Variants in CDADC1 observed in about 807,000 individuals in gnomAD.
The protein encoded by CDADC1 is cytidine and dCMP deaminase domain containing 1.
A neutral mutation model predicts 54.9 loss-of-function variants in CDADC1; 39 were observed. The observed-to-expected ratio is 0.71, with a 90% CI of 0.55 to 0.93. The LOEUF (loss-of-function observed/expected upper bound fraction) is 0.93, where lower values mean the gene tolerates loss of function less well. Ranked by LOEUF, CDADC1 falls within the 40% of genes least tolerant of loss-of-function variation. CDADC1 has a pLI of 0.00. For missense variants in CDADC1, 518 were observed against 618.8 expected, an observed-to-expected ratio of 0.84 and a Z score of 1.73; for synonymous variants, 186 against 204.0, an observed-to-expected ratio of 0.91 and a Z score of 0.75.
At chr13:49,281,953 A>G (rs1405385647) in intron 8 of CDADC1, among the ~76,000 whole-genome samples, 3 of 104,622 alleles carry the variant, frequency 2.9e-5, no homozygotes, top group Non-Finnish European at 3.5e-5. Context: ...ATCTGGGATT[A>G]CAGGCGCACG....
chr13:49,255,689 T>G (rs577024900), intron 2 of CDADC1, 150 bp from the exon 3 acceptor site: 2 of 901,330 alleles, frequency 2.2e-6, no homozygotes, highest in African/African-American at 1.7e-5. Context: ...ATGAACTTGA[T>G]CCAAACAAAG....
At chr13:49,291,168 T>TA (rs1953693023) in intron 9 of CDADC1, among the ~76,000 whole-genome samples, 1 of 54,772 alleles carries the variant, frequency 1.8e-5, no homozygotes, top group Non-Finnish European at 4.3e-5. Flanking sequence ...ATTCAGTTTT[T>TA]GGTTTTTTTT....
At chr13:49,282,236 G>GTTTTTTTTTTTTTTTTTTTTTGGTT (rs759792512) in intron 8 of CDADC1, among the ~76,000 whole-genome samples, 1 of 94,146 alleles carries the variant, frequency 1.1e-5, no homozygotes, top group African/African-American at 4.1e-5. Flanking sequence ...GTTTTTGTGG[G>GTTTTTTTTTTTTTTTTTTTTTGGTT]TTTTTTTTTT....
intron 7 of CDADC1, among the ~76,000 whole-genome samples, chr13:49,280,087 C>T (rs1177738230): frequency 6.6e-6 from 1 of 152,152 alleles, no homozygotes; most frequent in African/African-American, 2.4e-5. Flanking sequence ...ATTTGTCTAA[C>T]AAGATGAGTT....
intron 2 of CDADC1, among the ~76,000 whole-genome samples, chr13:49,251,339 C>T (rs950062051): frequency 3.4e-5 from 5 of 145,828 alleles, no homozygotes; most frequent in African/African-American, 1.3e-4. Flanking sequence ...ACCCAGGAGG[C>T]AGAGATTGCA....
At chr13:49,275,939 T>C (rs1953121728) in intron 6 of CDADC1, among the ~76,000 whole-genome samples, 1 of 151,722 alleles carries the variant, frequency 6.6e-6, no homozygotes, top group Non-Finnish European at 1.5e-5. Context: ...CAGCTAATTT[T>C]TGTGTTTTTA....
At chr13:49,272,719 A>G (rs982560607) in intron 5 of CDADC1, among the ~76,000 whole-genome samples, 1 of 142,140 alleles carries the variant, frequency 7.0e-6, no homozygotes, top group Admixed American at 7.5e-5. Flanking sequence ...GTGAAGTGGT[A>G]CGATCTCAAC....
At chr13:49,275,791 A>T (rs1045168527) in intron 6 of CDADC1, among the ~76,000 whole-genome samples, 1 of 99,994 alleles carries the variant, frequency 1.0e-5, no homozygotes, top group East Asian at 3.7e-4. Flanking sequence ...AGAGAGAGAG[A>T]GAGAGTCTCA....
chr13:49,291,843 T>G lies in CDADC1; in HGVS notation c.*86T>G. 1 of 1,513,906 alleles carries G rather than the reference T, an allele frequency of 6.6e-7. No individual in the cohort carries two copies. The highest frequency in any genetic ancestry group is 8.8e-7 in the Non-Finnish European group (1 of 1,130,682). The allele number at this position is 1,513,906 out of a possible 1,614,324, so 93.8% of individuals were successfully genotyped here. On this transcript the variant is annotated 3_prime_UTR_variant, in exon 10 of 10. Transcript: ENST00000251108. ...GCCTTGTTCATTCAGAAAATAAGGATGGATTTTGTGAATAATTGAAAAGAT... is the reference window on the plus strand; with the variant it reads ...GCCTTGTTCATTCAGAAAATAAGGAGGGATTTTGTGAATAATTGAAAAGAT...
chr13:49,259,390 T>C lies in CDADC1; in HGVS notation c.297T>C (p.Val99=), dbSNP rs764238517. ...GLVVVKNMKI[V]GLHCSSEDLH... is the part of the protein sequence containing the mutation. ...TGGTGGTGAAAAACATGAAAATTGT[T>C]GGTCTCCACTGTTCTAGTGAAGATT... The change falls in exon 4 of 10, where the codon GTT becomes GTC. Residue 99 remains valine (V), a synonymous_variant. Coordinates refer to ENST00000251108, the MANE Select transcript of CDADC1 (RefSeq NM_030911.4). The C allele has an allele frequency of 1.4e-5, 23 of 1,613,256 alleles. No homozygotes were observed. The East Asian group carries it at 3.3e-4, about 23-fold the overall frequency.
chr13:49,280,637 A>G lies in CDADC1; in HGVS notation c.1349A>G (p.Lys450Arg). 1 of 1,602,594 alleles carries G rather than the reference A, an allele frequency of 6.2e-7. No individual in the cohort carries two copies. Among genetic ancestry groups the G allele is most frequent in the Non-Finnish European group, 8.5e-7 (1 of 1,175,246 alleles). The change falls in exon 8 of 10, where the codon AAA becomes AGA. Residue 450 changes from lysine (K) to arginine (R), a missense_variant. By Grantham distance (26) the Lys-to-Arg change is conservative (BLOSUM62 2). Transcript: ENST00000251108. ...TATGCAGGAGATGTAGATGTTGGAA[A>G]AAAGAAGGCAGACATCTCTTACATG... is the stretch of plus-strand genomic sequence containing the variant. The part of the protein sequence containing the change: ...QIYAGDVDVG[K>R]KKADISYMRF...
At chr13:49,270,605 C>T (rs1045045161) in intron 5 of CDADC1, among the ~76,000 whole-genome samples, 2 of 152,124 alleles carry the variant, frequency 1.3e-5, no homozygotes, top group Non-Finnish European at 2.9e-5. Flanking sequence ...CACATTAATA[C>T]ATACAGAGTG....
intron 2 of CDADC1, among the ~76,000 whole-genome samples, chr13:49,251,368 A>G (rs1425927147): frequency 6.6e-6 from 1 of 151,654 alleles, no homozygotes; most frequent in Non-Finnish European, 1.5e-5. Flanking sequence ...AGATCACGCC[A>G]CTGCACTCCA....
Position 49,267,974 on chromosome 13 carries a change from G to A in CDADC1, c.915G>A (p.Gln305=). ...GATTTTACCGTAGCAATCCAGAACA[G>A]ATTAATGAAATTCACAATCAAAGTT... The part of the protein sequence containing the change: ...HFGFYRSNPE[Q]INEIHNQSLP... The change falls in exon 5 of 10, where the codon CAG becomes CAA. Residue 305 remains glutamine, a synonymous_variant. Transcript: ENST00000251108. 2 of 1,614,116 alleles carry A rather than the reference G, an allele frequency of 1.2e-6. No homozygotes were observed. The highest frequency in any genetic ancestry group is 1.7e-6 in the Non-Finnish European group (2 of 1,180,016).
At chr13:49,255,160 C>T (rs926663974) in intron 2 of CDADC1, among the ~76,000 whole-genome samples, 3 of 152,222 alleles carry the variant, frequency 2.0e-5, no homozygotes, top group African/African-American at 7.2e-5. Flanking sequence ...TTTTCCTTGG[C>T]TCATGGGCCC....
intron 2 of CDADC1, among the ~76,000 whole-genome samples, chr13:49,253,934 G>A (rs1451589773): frequency 6.6e-6 from 1 of 152,146 alleles, no homozygotes; most frequent in Non-Finnish European, 1.5e-5. Flanking sequence ...TGGCATAATG[G>A]TTAAGACAAT....
In CDADC1 at chr13:49,292,785, A is replaced by AGG; in HGVS notation, c.*1031_*1032dup. ...TTTTCTGTTCTCTCCTAGGTTAGAG[A>AGG]GGGGTGGCCTGGGGTGCTTCATGAG... On this transcript the variant is annotated 3_prime_UTR_variant, in exon 10 of 10. Coordinates refer to ENST00000251108, the MANE Select transcript of CDADC1 (RefSeq NM_030911.4). 1 of 1,283,096 alleles carries AGG rather than the reference A, an allele frequency of 7.8e-7. No individual in the cohort carries two copies. The highest frequency in any genetic ancestry group is 1.0e-6 in the Non-Finnish European group (1 of 986,114). The allele number at this position is 1,283,096 out of a possible 1,614,324, so 79.5% of individuals were successfully genotyped here.
At chr13:49,273,539 G>A (rs188029995) in intron 5 of CDADC1, among the ~76,000 whole-genome samples, 198 of 152,268 alleles carry the variant, frequency 1.3e-3, no homozygotes, top group Admixed American at 4.4e-3. Context: ...ATGGTTTTAA[G>A]AAGTACAGCT....
At chr13:49,255,364 G>C (rs2138196852) in intron 2 of CDADC1, among the ~76,000 whole-genome samples, 1 of 152,286 alleles carries the variant, frequency 6.6e-6, no homozygotes, top group East Asian at 1.9e-4. Flanking sequence ...TCCTTGCCAT[G>C]TAACAAAACA....
Sources: gnomAD v4.1 joint callset for allele counts (sites outside exome capture counted in the v4.1 genomes callset) on GRCh38, gnomAD v4.1.1 for gene constraint, MANE v1.5 for transcripts, NCBI Gene and HGNC (gene_info 2026-07-23, HGNC 2026-07-21) for gene names.